The following PLCB1 variants were observed in gnomAD, a reference collection of about 807,000 sequenced individuals.
PLCB1 encodes the protein 1-phosphatidylinositol 4,5-bisphosphate phosphodiesterase beta-1.
In PLCB1, 46 loss-of-function variants were observed where a neutral mutation model predicts 161.8. The ratio of observed to expected loss-of-function variants is 0.28; its 90% CI spans 0.22 to 0.36. The LOEUF is 0.36. PLCB1 is among the 10% of genes least tolerant of loss of function. The pLI is 1.00. For synonymous variants in PLCB1, 517 were observed against 503.7 expected (o/e 1.03, Z -0.35); for missense variants, 1,016 against 1,472.5 (o/e 0.69, Z 5.07).
At chr20:8,329,860 C>A (rs561765215) in intron 2 of PLCB1, among the ~76,000 whole-genome samples, 62 of 152,190 alleles carry the variant, frequency 4.1e-4, no homozygotes, top group Non-Finnish European at 7.8e-4. Flanking sequence ...CATGAGGACC[C>A]CGTCTTATGA....
chr20:8,717,955 C>T, intron 14 of PLCB1, 107 bp downstream of exon 14: 1 of 976,254 alleles, frequency 1.0e-6, no homozygotes, highest in Non-Finnish European at 1.4e-6. Context: ...CTTTTGGAGG[C>T]TGAGGCAGGT....
chr20:8,499,526 G>A (rs576886166), intron 3 of PLCB1, among the ~76,000 whole-genome samples: 1 of 152,322 alleles, frequency 6.6e-6, no homozygotes, highest in South Asian at 2.1e-4. Flanking sequence ...TCATATAGCA[G>A]AGAATTGTAT....
chr20:8,198,599 T>C (rs1470650365), intron 2 of PLCB1, among the ~76,000 whole-genome samples: 6 of 152,046 alleles, frequency 3.9e-5, no homozygotes, highest in Admixed American at 1.3e-4. Flanking sequence ...TCTCAGACCA[T>C]GTAAACTCCA....
At chr20:8,423,578 A>G (rs1364522958) in intron 3 of PLCB1, among the ~76,000 whole-genome samples, 2 of 152,228 alleles carry the variant, frequency 1.3e-5, no homozygotes, top group East Asian at 3.8e-4. Context: ...TATTTTGAAT[A>G]AAATTCGTAT....
intron 3 of PLCB1, among the ~76,000 whole-genome samples, chr20:8,404,157 C>A (rs371707564): frequency 4.3e-4 from 66 of 152,166 alleles, no homozygotes; most frequent in African/African-American, 1.5e-3. Flanking sequence ...TATTGACAAT[C>A]AACTTTCATT....
intron 7 of PLCB1, among the ~76,000 whole-genome samples, chr20:8,650,199 TGTTGA>T (rs1989276438): frequency 6.6e-6 from 1 of 152,164 alleles, no homozygotes; most frequent in Non-Finnish European, 1.5e-5. Context: ...CTAATGATAG[TGTTGA>T]GTTAGGAGGC....
chr20:8,277,400 A>G (rs1424557467), intron 2 of PLCB1, among the ~76,000 whole-genome samples: 1 of 152,096 alleles, frequency 6.6e-6, no homozygotes, highest in Non-Finnish European at 1.5e-5. Flanking sequence ...ATTACTGTAA[A>G]TGTTTCACAA....
intron 2 of PLCB1, among the ~76,000 whole-genome samples, chr20:8,189,592 T>C (rs755901544): frequency 4.6e-5 from 7 of 152,024 alleles, no homozygotes; most frequent in Non-Finnish European, 7.4e-5. Context: ...GAAAACACAA[T>C]GAACTTGTGG....
At chr20:8,272,008 A>G (rs948739591) in intron 2 of PLCB1, among the ~76,000 whole-genome samples, 6 of 152,110 alleles carry the variant, frequency 3.9e-5, no homozygotes, top group Admixed American at 2.0e-4. Context: ...TCATCCTTTC[A>G]AGATTTTTTT....
intron 12 of PLCB1, among the ~76,000 whole-genome samples, chr20:8,709,227 C>A (rs1978860507): frequency 6.6e-6 from 1 of 152,202 alleles, no homozygotes; most frequent in Non-Finnish European, 1.5e-5. Context: ...CCCCTTTTCA[C>A]TGGCTTTCCC....
intron 3 of PLCB1, among the ~76,000 whole-genome samples, chr20:8,396,878 T>G (rs1987784911): frequency 6.6e-6 from 1 of 152,090 alleles, no homozygotes; most frequent in African/African-American, 2.4e-5. Flanking sequence ...AATAATGCAT[T>G]GATTGGAAAT....
intron 2 of PLCB1, among the ~76,000 whole-genome samples, chr20:8,233,027 A>G (rs1980141362): frequency 6.6e-6 from 1 of 151,916 alleles, no homozygotes; most frequent in African/African-American, 2.4e-5. Flanking sequence ...GCCCTGTCAC[A>G]CTCTTGGTCC....
chr20:8,649,560 T>C, intron 7 of PLCB1, 111 bp downstream of exon 7: 1 of 745,368 alleles, frequency 1.3e-6, no homozygotes, highest in Admixed American at 2.0e-5. Context: ...AAGAGGAAAT[T>C]AAGAGCTTCC....
intron 3 of PLCB1, chr20:8,625,182 T>C (rs1418528494): frequency 6.6e-6 from 1 of 152,218 alleles, no homozygotes; most frequent in Non-Finnish European, 1.5e-5. Context: ...TTTTTACACA[T>C]CTGTTTTCAT....
rs189225010 is a variant in PLCB1, at chr20:8,152,476, C to A, written c.177+2105C>A. Among the ~76,000 whole-genome samples the A allele has an allele frequency of 4.1e-4, 63 of 152,072 alleles. 1 individual carries two copies. Among genetic ancestry groups the A allele is most frequent in the Middle Eastern group, 3.4e-3 (1 of 294 alleles). ...TGCAAATAAAAGATGGCATGCCAAG[C>A]TTTTAGTGGGGATTTTTTTGCATAA... On this transcript the variant is annotated intron_variant, in intron 2 of 31. Transcript: ENST00000338037.
intron 31 of PLCB1, among the ~76,000 whole-genome samples, chr20:8,859,646 T>C (rs6086657): frequency 0.28 from 42,840 of 152,096 alleles, 7,346 homozygotes; most frequent in East Asian, 0.65. Context: ...CTGGATGTTT[T>C]AAGGATCTCC....
At chr20:8,232,961 A>G (rs1391169407) in intron 2 of PLCB1, among the ~76,000 whole-genome samples, 1 of 152,046 alleles carries the variant, frequency 6.6e-6, no homozygotes, top group Non-Finnish European at 1.5e-5. Flanking sequence ...ATATGTATAC[A>G]TTTTTTCACT....
At chr20:8,169,129 G>A (rs558378219) in intron 2 of PLCB1, among the ~76,000 whole-genome samples, 42 of 152,102 alleles carry the variant, frequency 2.8e-4, no homozygotes, top group Non-Finnish European at 4.9e-4. Flanking sequence ...TGAAGGGGAA[G>A]GAAGGCCATT....
chr20:8,776,828 A>G (rs377025511), intron 27 of PLCB1, among the ~76,000 whole-genome samples: 1 of 152,172 alleles, frequency 6.6e-6, no homozygotes, highest in East Asian at 1.9e-4. Context: ...AACATGTAGT[A>G]TGTTAGGTAG....
Sources: gnomAD v4.1 joint callset for allele counts (sites outside exome capture counted in the v4.1 genomes callset) on GRCh38, gnomAD v4.1.1 for gene constraint, MANE v1.5 for transcripts, NCBI Gene and HGNC (gene_info 2026-07-23, HGNC 2026-07-21) for gene names.